TSC22D1: variants seen among roughly 807,000 people sequenced by gnomAD.
The protein encoded by TSC22D1 is TSC22 domain family protein 1.
TSC22D1 carries 9 observed loss-of-function variants against 74.2 expected under a neutral mutation model. The observed-to-expected ratio is 0.12, with a 90% CI of 0.07 to 0.21. The LOEUF is 0.21. Among genes scored for constraint, TSC22D1 ranks in the 10% least tolerant of loss-of-function variants. The pLI, the probability that TSC22D1 is intolerant of heterozygous loss-of-function variation, is 1.00. For synonymous variants in TSC22D1, 586 were observed against 492.5 expected (o/e 1.19, Z -2.51); for missense variants, 1,427 against 1,304.7 (o/e 1.09, Z -1.44).
chr13:44,542,400 C>T (rs1332394710), intron 1 of TSC22D1, among the ~76,000 whole-genome samples: 1 of 152,024 alleles, frequency 6.6e-6, no homozygotes, highest in Non-Finnish European at 1.5e-5. Context: ...ACAACAGGAA[C>T]TTTACGTTAA....
chr13:44,535,915 T>G (rs1018753511), intron 1 of TSC22D1, among the ~76,000 whole-genome samples: 3 of 151,990 alleles, frequency 2.0e-5, no homozygotes, highest in Non-Finnish European at 4.4e-5. Flanking sequence ...TATTTTAACT[T>G]CCATGCCCAA....
chr13:44,511,516 C>T (rs183376550), intron 1 of TSC22D1, among the ~76,000 whole-genome samples: 8 of 152,112 alleles, frequency 5.3e-5, no homozygotes, highest in South Asian at 2.1e-4. Context: ...TTTTATTTAT[C>T]GCTAACATCT....
intron 1 of TSC22D1, among the ~76,000 whole-genome samples, chr13:44,456,398 G>C (rs1400307602): frequency 4.6e-5 from 7 of 152,144 alleles, no homozygotes; most frequent in Admixed American, 2.6e-4. Flanking sequence ...GTGCTGATTG[G>C]TGCGTTTACA....
At chr13:44,504,540 G>A (rs1879357318) in intron 1 of TSC22D1, among the ~76,000 whole-genome samples, 1 of 149,940 alleles carries the variant, frequency 6.7e-6, no homozygotes, top group Non-Finnish European at 1.5e-5. Context: ...GGAGGTGGAG[G>A]TTGCAGTGAG....
intron 1 of TSC22D1, among the ~76,000 whole-genome samples, chr13:44,496,064 A>T (rs544667038): frequency 6.6e-6 from 1 of 152,246 alleles, no homozygotes; most frequent in Admixed American, 6.5e-5. Flanking sequence ...TGTGAATTGT[A>T]TAAGAGACTT....
At chr13:44,559,351 T>C (rs1227243024) in intron 1 of TSC22D1, among the ~76,000 whole-genome samples, 5 of 152,132 alleles carry the variant, frequency 3.3e-5, no homozygotes, top group Admixed American at 3.3e-4. Context: ...ACATAACTTA[T>C]AAAGCAGCAT....
intron 1 of TSC22D1, among the ~76,000 whole-genome samples, chr13:44,553,805 C>T (rs995402472): frequency 1.3e-5 from 2 of 152,124 alleles, no homozygotes; most frequent in African/African-American, 2.4e-5. Flanking sequence ...TGAGAGTCAG[C>T]GAAAGAATTA....
At chr13:44,438,758 T>C (rs2138860751) in intron 1 of TSC22D1, among the ~76,000 whole-genome samples, 1 of 152,244 alleles carries the variant, frequency 6.6e-6, no homozygotes, top group South Asian at 2.1e-4. Flanking sequence ...TCGTAATTAT[T>C]TGGGAAGCTG....
chr13:44,463,947 C>G (rs567564187), intron 1 of TSC22D1, among the ~76,000 whole-genome samples: 1 of 152,318 alleles, frequency 6.6e-6, no homozygotes, highest in East Asian at 1.9e-4. Flanking sequence ...TTCCTGCCAA[C>G]AGACAGCATC....
intron 1 of TSC22D1, among the ~76,000 whole-genome samples, chr13:44,546,331 C>T (rs749503884): frequency 3.3e-4 from 51 of 152,262 alleles, no homozygotes; most frequent in Middle Eastern, 3.4e-3. Flanking sequence ...TGGCAGGCAC[C>T]TCCTTAACCA....
At chr13:44,534,677 T>C (rs1294409265) in intron 1 of TSC22D1, among the ~76,000 whole-genome samples, 2 of 152,190 alleles carry the variant, frequency 1.3e-5, no homozygotes, top group Admixed American at 1.3e-4. Context: ...ATATTATTTC[T>C]TGATCCTCAG....
chr13:44,537,430 G>A (rs1241817018), intron 1 of TSC22D1: 2 of 984,864 alleles, frequency 2.0e-6, no homozygotes, highest in African/African-American at 3.5e-5. Flanking sequence ...CAAAGCATGA[G>A]ATTAAGAGAT....
chr13:44,477,297 A>G (rs979165989), intron 1 of TSC22D1, among the ~76,000 whole-genome samples: 8 of 152,186 alleles, frequency 5.3e-5, no homozygotes, highest in African/African-American at 1.7e-4. Context: ...TACTAAGACT[A>G]TATTAGACTA....
chr13:44,489,062 A>T (rs903204073), intron 1 of TSC22D1, among the ~76,000 whole-genome samples: 1 of 152,234 alleles, frequency 6.6e-6, no homozygotes, highest in Non-Finnish European at 1.5e-5. Context: ...AATAGATTGC[A>T]GAAATGAAAT....
intron 1 of TSC22D1, among the ~76,000 whole-genome samples, chr13:44,561,719 A>G (rs1883050868): frequency 6.6e-6 from 1 of 152,142 alleles, no homozygotes; most frequent in Non-Finnish European, 1.5e-5. Context: ...CTTTTCCCAA[A>G]TGCGATTAGA....
At chr13:44,527,336 G>C (rs986260201) in intron 1 of TSC22D1, among the ~76,000 whole-genome samples, 22 of 151,892 alleles carry the variant, frequency 1.4e-4, no homozygotes, top group African/African-American at 4.8e-4. Context: ...ACAATATATT[G>C]AATAATTATA....
At chr13:44,463,191 A>C (rs908224106) in intron 1 of TSC22D1, among the ~76,000 whole-genome samples, 3 of 152,212 alleles carry the variant, frequency 2.0e-5, no homozygotes, top group African/African-American at 7.2e-5. Flanking sequence ...AGACATCACC[A>C]TCTCTGTATA....
chr13:44,444,278 C>CA lies in TSC22D1; in HGVS notation c.2913-8184dup, dbSNP rs71070905. Among the ~76,000 whole-genome samples, 23 of 17,580 alleles carry CA rather than the reference C, an allele frequency of 1.3e-3. 3 individuals are homozygous for CA. The highest frequency in any genetic ancestry group is 4.2e-3 in the South Asian group (1 of 238). The allele number at this position is 17,580 out of a possible 152,430, so 11.5% of individuals were successfully genotyped here. Reference sequence around the variant, plus strand: ...TGGGGAACAGAGCAAGACTCTGTCTCAAAAAAAAAAAAAAAAAAAAAAAAA... The same window carrying CA: ...TGGGGAACAGAGCAAGACTCTGTCTCAAAAAAAAAAAAAAAAAAAAAAAAAA... On this transcript the variant is annotated intron_variant, in intron 1 of 2. Transcript: ENST00000458659.
At chr13:44,552,701 G>C (rs1182305380) in intron 1 of TSC22D1, among the ~76,000 whole-genome samples, 2 of 152,160 alleles carry the variant, frequency 1.3e-5, no homozygotes, top group Non-Finnish European at 2.9e-5. Context: ...AGAAAATAAG[G>C]TGGTAGGCCG....
Sources: gnomAD v4.1 joint callset for allele counts (sites outside exome capture counted in the v4.1 genomes callset) on GRCh38, gnomAD v4.1.1 for gene constraint, MANE v1.5 for transcripts, NCBI Gene and HGNC (gene_info 2026-07-23, HGNC 2026-07-21) for gene names.